Variants in COL22A1 observed in about 807,000 individuals in gnomAD.
COL22A1 encodes the protein collagen alpha-1(XXII) chain.
In COL22A1, 221 loss-of-function variants were observed where a neutral mutation model predicts 248.9. The observed-to-expected ratio is 0.89, with a 90% confidence interval of 0.80 to 0.99. The LOEUF is 0.99. Among genes scored for constraint, COL22A1 ranks in the 50% least tolerant of loss-of-function variants. The pLI, the probability that COL22A1 is intolerant of heterozygous loss-of-function variation, is 0.00. For synonymous variants in COL22A1, 891 were observed against 793.4 expected (o/e 1.12, Z -2.07); for missense variants, 2,240 against 2,179.0 (o/e 1.03, Z -0.56).
rs11284610 is a variant in COL22A1, at chr8:138,796,389, CTTTTTTTTTTTTT to C, written c.1596+417_1596+429del. ...TTTTTTTCTCTTGCTTGCTACTTTC[CTTTTTTTTTTTTT>C]TTTTTTTTTTTTTTTTGGTTTTTGG... On this transcript the variant is annotated intron_variant, in intron 12 of 64. Coordinates refer to ENST00000303045, the MANE Select transcript of COL22A1 (RefSeq NM_152888.3). Among the ~76,000 whole-genome samples, 55 of 26,318 alleles carry C rather than the reference CTTTTTTTTTTTTT, an allele frequency of 2.1e-3. 1 individual carries two copies. The highest frequency in any genetic ancestry group is 5.5e-3 in the African/African-American group (41 of 7,466). 17.3% of individuals were successfully genotyped at this position (26,318 alleles called of 152,430 possible). A position where few individuals can be genotyped will look rare whatever the true frequency, so the allele number is the denominator to read the frequency against.
chr8:138,690,984 T>G, intron 35 of COL22A1, 110 bp from the exon 36 acceptor site: 1 of 826,560 alleles, frequency 1.2e-6, no homozygotes. Context: ...GTGCTGGAAC[T>G]GCTGCTGACC....
rs1819612528 is a variant in COL22A1 at position 138,826,716 on chromosome 8, G to A, written c.911C>T (p.Thr304Ile). 1.9e-6 allele frequency: 3 copies of A among 1,613,890 alleles called. No individual in the cohort carries two copies. Among genetic ancestry groups the A allele is most frequent in the Non-Finnish European group, 1.7e-6 (2 of 1,179,924 alleles). The change falls in exon 6 of 65, where the codon ACC becomes ATC. Residue 304 changes from threonine (T) to isoleucine (I), a missense_variant. By Grantham distance (89) the Thr-to-Ile change is moderately conservative (BLOSUM62 -1). Transcript: ENST00000303045. ...AFVTTFRFRK[T>I]SRKEDWYIWQ... Reference sequence around the variant, plus strand: ...GATATACCAGTCTTCCTTCCGAGAGGTTTTCCTGAACCGGAAGGTTGTGAC... The same window carrying A: ...GATATACCAGTCTTCCTTCCGAGAGATTTTCCTGAACCGGAAGGTTGTGAC...
At chr8:138,723,814 C>T (rs924354340) in intron 25 of COL22A1, among the ~76,000 whole-genome samples, 4 of 152,216 alleles carry the variant, frequency 2.6e-5, no homozygotes, top group African/African-American at 2.4e-5. Flanking sequence ...GCTGGTGTTA[C>T]CACGACCACA....
At chr8:138,685,677 A>T (rs1301772718) in intron 37 of COL22A1, among the ~76,000 whole-genome samples, 1 of 152,164 alleles carries the variant, frequency 6.6e-6, no homozygotes, top group Non-Finnish European at 1.5e-5. Flanking sequence ...ACACAAATAC[A>T]CAGGGACAAG....
At chr8:138,822,497 A>G (rs1005469988) in intron 6 of COL22A1, among the ~76,000 whole-genome samples, 1 of 152,254 alleles carries the variant, frequency 6.6e-6, no homozygotes, top group Non-Finnish European at 1.5e-5. Context: ...GCACAAAAGT[A>G]TGAACAGAAT....
intron 3 of COL22A1, 81 bp from the exon 4 acceptor site, chr8:138,844,239 C>A (rs2131869388): frequency 1.6e-6 from 2 of 1,283,198 alleles, no homozygotes; most frequent in Non-Finnish European, 2.3e-6. Flanking sequence ...GCACACAAGA[C>A]CCCACCCTGC....
At chr8:138,799,252 G>A (rs1354520956) in intron 11 of COL22A1, among the ~76,000 whole-genome samples, 1 of 151,924 alleles carries the variant, frequency 6.6e-6, no homozygotes, top group Non-Finnish European at 1.5e-5. Context: ...ATTTCCTTTA[G>A]TTCTTTGATC....
At chr8:138,809,528 C>CTTTTTCTTT (rs1554633655) in intron 9 of COL22A1, among the ~76,000 whole-genome samples, 1 of 117,624 alleles carries the variant, frequency 8.5e-6, no homozygotes, top group Non-Finnish European at 1.8e-5. Context: ...TTTTCTTTTT[C>CTTTTTCTTT]TTTTTTTTTT....
At chr8:138,896,363 A>G (rs1231588040) in intron 1 of COL22A1, among the ~76,000 whole-genome samples, 1 of 152,200 alleles carries the variant, frequency 6.6e-6, no homozygotes, top group Non-Finnish European at 1.5e-5. Context: ...GGGTAAAGGG[A>G]CTTAAATGAA....
chr8:138,783,087 C>T (rs1434472430), intron 12 of COL22A1, among the ~76,000 whole-genome samples: 1 of 152,036 alleles, frequency 6.6e-6, no homozygotes, highest in Non-Finnish European at 1.5e-5. Flanking sequence ...TGGGTGGGGA[C>T]TGGCAGAGGG....
intron 32 of COL22A1, among the ~76,000 whole-genome samples, chr8:138,697,233 C>A (rs1206339380): frequency 6.6e-6 from 1 of 152,190 alleles, no homozygotes; most frequent in Non-Finnish European, 1.5e-5. Flanking sequence ...CTCCTCCCCA[C>A]TGCCCCCTGG....
rs762395892 is a variant in COL22A1 at position 138,779,508 on chromosome 8, C to T, written c.1704+1G>A. 7.4e-6 allele frequency: 12 copies of T among 1,610,784 alleles called. No homozygotes were observed. In the African/African-American group the frequency reaches 1.3e-4, roughly 18 times the overall value. ...AGGGCCCAGCTCACAGCAACACTCA[C>T]CCGCATGCCGACCTCACCCGGCAGC... On this transcript the variant is annotated splice_donor_variant, in intron 14 of 64. Coordinates refer to ENST00000303045, the MANE Select transcript of COL22A1 (RefSeq NM_152888.3). LOFTEE classifies it high-confidence loss of function.
chr8:138,650,036 T>C (rs1456624119), intron 45 of COL22A1, among the ~76,000 whole-genome samples: 2 of 152,208 alleles, frequency 1.3e-5, no homozygotes, highest in Admixed American at 1.3e-4. Flanking sequence ...TCCCCCTATT[T>C]CCACCCAGAC....
At chr8:138,742,286 G>GAGT (rs1831656649) in intron 22 of COL22A1, among the ~76,000 whole-genome samples, 1 of 150,420 alleles carries the variant, frequency 6.6e-6, no homozygotes, top group African/African-American at 2.5e-5. Flanking sequence ...GGAGTTGATG[G>GAGT]TGATGGTGGT....
chr8:138,726,506 A>AAAAAAT (rs1232611839), intron 23 of COL22A1, among the ~76,000 whole-genome samples: 1 of 151,182 alleles, frequency 6.6e-6, no homozygotes, highest in African/African-American at 2.4e-5. Flanking sequence ...TACAAAAAAA[A>AAAAAAT]AAAAAAAGAA....
intron 23 of COL22A1, among the ~76,000 whole-genome samples, chr8:138,732,275 G>T (rs1005775450): frequency 6.6e-6 from 1 of 152,196 alleles, no homozygotes. Context: ...AGAATAAAAC[G>T]CAAGAAGCGA....
At chr8:138,628,988 T>C (rs938729017) in intron 50 of COL22A1, among the ~76,000 whole-genome samples, 4 of 141,392 alleles carry the variant, frequency 2.8e-5, no homozygotes, top group Non-Finnish European at 6.1e-5. Flanking sequence ...CTTGAACTCC[T>C]GACCTCAAGT....
chr8:138,712,895 CCAGCAGAGGGTACATGTTCTAT>C (rs1336037734), intron 30 of COL22A1, among the ~76,000 whole-genome samples: 14 of 150,166 alleles, frequency 9.3e-5, no homozygotes. Context: ...GAGGGTTCTA[CCAGCAGAGGGTACATGTTCTAT>C]CAGCAGAGGG....
intron 47 of COL22A1, among the ~76,000 whole-genome samples, chr8:138,645,054 C>T (rs897530182): frequency 2.0e-5 from 3 of 152,166 alleles, no homozygotes; most frequent in African/African-American, 7.2e-5. Flanking sequence ...TAATTGAGCT[C>T]ATCCACGCAA....
Sources: gnomAD v4.1 joint callset for allele counts (sites outside exome capture counted in the v4.1 genomes callset) on GRCh38, gnomAD v4.1.1 for gene constraint, MANE v1.5 for transcripts, NCBI Gene and HGNC (gene_info 2026-07-23, HGNC 2026-07-21) for gene names.